Variants in ADPRHL1 observed in about 807,000 individuals in gnomAD.
ADPRHL1 encodes ADP-ribosylhydrolase like 1.
ADPRHL1 carries 43 observed loss-of-function variants against 44.1 expected under a neutral mutation model. The ratio of observed to expected loss-of-function variants is 0.98; its 90% confidence interval spans 0.76 to 1.26. The LOEUF (loss-of-function observed/expected upper bound fraction) is 1.26, where lower values mean the gene tolerates loss of function less well. Ranked by LOEUF, ADPRHL1 falls within the 50% of genes most tolerant of loss-of-function variation. The pLI is 0.00. For synonymous variants in ADPRHL1, 878 were observed against 1,017.4 expected (o/e 0.86, Z 2.61); for missense variants, 2,022 against 2,496.9 (o/e 0.81, Z 4.05).
In ADPRHL1 at chr13:113,412,605, C is replaced by T. The variant is rs1253131131; in HGVS notation, c.1062-4385G>A. ...CTGTTGGTTCTGGTCTCTACTTTCC[C>T]GAGTCCAGAGCAGCGTTGGGCACAG... On this transcript the variant is annotated intron_variant, in intron 7 of 7. Coordinates refer to ENST00000612156, the MANE Select transcript of ADPRHL1 (RefSeq NM_001394807.1). 6.6e-5 allele frequency among the ~76,000 whole-genome samples: 10 copies of T among 152,368 alleles called. No homozygotes were observed. In the South Asian group the frequency reaches 8.3e-4, roughly 13 times the overall value.
intron 7 of ADPRHL1, among the ~76,000 whole-genome samples, chr13:113,410,331 A>G (rs1057266296): frequency 6.6e-6 from 1 of 152,070 alleles, no homozygotes; most frequent in African/African-American, 2.4e-5. Flanking sequence ...CGCACCACCA[A>G]CGCCTCTGAT....
rs144310009 is a variant in ADPRHL1, at chr13:113,448,120, C to T, written c.215-3531G>A. Among the ~76,000 whole-genome samples, 116 of 152,232 alleles carry T rather than the reference C, an allele frequency of 7.6e-4. 3 individuals are homozygous for T. In the East Asian group the frequency reaches 0.019, roughly 25 times the overall value. On this transcript the variant is annotated intron_variant, in intron 1 of 7. Transcript: ENST00000612156. ...AAGCTGCTACCCTTGGGCTTCTCCCCGGGTCTCTTTCCTTTGGGACACTCC... is the reference window on the plus strand; with the variant it reads ...AAGCTGCTACCCTTGGGCTTCTCCCTGGGTCTCTTTCCTTTGGGACACTCC...
At chr13:113,451,855 C>T (rs1246412603) in intron 1 of ADPRHL1, among the ~76,000 whole-genome samples, 1 of 152,168 alleles carries the variant, frequency 6.6e-6, no homozygotes, top group Admixed American at 6.5e-5. Flanking sequence ...ACCCTTTTAA[C>T]TGTGTGAATT....
rs761740750 is a variant in ADPRHL1 at position 113,447,215 on chromosome 13, G to A, written c.215-2626C>T. On this transcript the variant is annotated intron_variant, in intron 1 of 7. Transcript: ENST00000612156. Reference sequence around the variant, plus strand: ...ACGCACGGTGTTGTGTGTGCATGGCGTCTACACGCACGGTGTTGTGTGTGC... The same window carrying A: ...ACGCACGGTGTTGTGTGTGCATGGCATCTACACGCACGGTGTTGTGTGTGC... Among the ~76,000 whole-genome samples, 112 of 135,502 alleles carry A rather than the reference G, an allele frequency of 8.3e-4. 2 individuals carry two copies. Among genetic ancestry groups the A allele is most frequent in the African/African-American group, 1.9e-3 (64 of 34,360 alleles). The allele number at this position is 135,502 out of a possible 152,430, so 88.9% of individuals were successfully genotyped here.
chr13:113,448,500 G>C (rs1349562937), intron 1 of ADPRHL1, among the ~76,000 whole-genome samples: 1 of 145,170 alleles, frequency 6.9e-6, no homozygotes, highest in Non-Finnish European at 1.5e-5. Flanking sequence ...AATGGTGCCT[G>C]AGTCTCCCAA....
intron 5 of ADPRHL1, among the ~76,000 whole-genome samples, 167 bp from the exon 6 acceptor site, chr13:113,424,516 A>T (rs1335043998): frequency 6.6e-6 from 1 of 152,012 alleles, no homozygotes; most frequent in African/African-American, 2.4e-5. Context: ...GTGCAATGAT[A>T]CAATCTCAGC....
Position 113,406,228 on chromosome 13 carries a change from G to A in ADPRHL1, c.3054C>T (p.Thr1018=). The change falls in exon 8 of 8, where the codon ACC becomes ACT. Residue 1018 remains threonine (T), a synonymous_variant. Coordinates refer to ENST00000612156, the MANE Select transcript of ADPRHL1 (RefSeq NM_001394807.1). ...CTTGCTGGCTGCTGGAGGCATGGCT[G>A]GTGTTTCCCCTCAGAAGGTTTTGTG... The part of the protein sequence containing the change: ...AASQNLLRGN[T]SHASSSQQVP... The A allele has an allele frequency of 8.1e-7, 1 of 1,232,154 alleles. No homozygotes were observed. Among genetic ancestry groups the A allele is most frequent in the South Asian group, 4.1e-5 (1 of 24,324 alleles). The allele number at this position is 1,232,154 out of a possible 1,614,324, so 76.3% of individuals were successfully genotyped here. A position where few individuals can be genotyped will look rare whatever the true frequency, so the allele number is the denominator to read the frequency against.
At chr13:113,440,672 C>G (rs1400169442) in intron 2 of ADPRHL1, among the ~76,000 whole-genome samples, 1 of 152,014 alleles carries the variant, frequency 6.6e-6, no homozygotes, top group Non-Finnish European at 1.5e-5. Context: ...CCAGGCTGGT[C>G]TCGAACTCCT....
chr13:113,410,238 G>A (rs1037961921), intron 7 of ADPRHL1: 21 of 631,370 alleles, frequency 3.3e-5, no homozygotes, highest in African/African-American at 2.0e-4. Flanking sequence ...GTGAGTTCAC[G>A]TGGAGAGAGT....
intron 6 of ADPRHL1, 24 bp from the exon 7 acceptor site, chr13:113,423,003 C>CA (rs753159155): frequency 5.0e-6 from 8 of 1,612,282 alleles, no homozygotes; most frequent in Non-Finnish European, 6.8e-6. Flanking sequence ...GCAGCAGTTG[C>CA]AGTGGGCTCC....
At chr13:113,408,939 G>C (rs1453515908) in intron 7 of ADPRHL1, among the ~76,000 whole-genome samples, 2 of 151,344 alleles carry the variant, frequency 1.3e-5, no homozygotes, top group African/African-American at 4.9e-5. Context: ...TTGCAGAGAG[G>C]AGGGGAGGTT....
rs1255193906 is a variant in ADPRHL1 at position 113,407,331 on chromosome 13, C to G, written c.1951G>C (p.Gly651Arg). The change falls in exon 8 of 8, where the codon GGA becomes CGA. Residue 651 changes from glycine to arginine, a missense_variant. Transcript: ENST00000612156. ...GCACTAGGGGGCACGCTGGCTTCTCCTCTGGGTGGACGCCTTGCCTCCGAG... is the reference window on the plus strand; with the variant it reads ...GCACTAGGGGGCACGCTGGCTTCTCGTCTGGGTGGACGCCTTGCCTCCGAG... ...SHSEARRPPR[G>R]EASVPPSARE... 3.2e-6 allele frequency: 4 copies of G among 1,231,936 alleles called. No homozygotes were observed. The highest frequency in any genetic ancestry group is 4.0e-6 in the Non-Finnish European group (4 of 988,060). The allele number at this position is 1,231,936 out of a possible 1,614,324, so 76.3% of individuals were successfully genotyped here.
At chr13:113,446,184 G>A (rs2044136458) in intron 1 of ADPRHL1, among the ~76,000 whole-genome samples, 1 of 124,578 alleles carries the variant, frequency 8.0e-6, no homozygotes, top group Non-Finnish European at 1.6e-5. Flanking sequence ...ACCCTCCAGA[G>A]AAAACAAGCA....
intron 7 of ADPRHL1, among the ~76,000 whole-genome samples, chr13:113,420,989 C>T (rs1272917602): frequency 4.0e-5 from 5 of 123,730 alleles, no homozygotes; most frequent in Middle Eastern, 5.6e-3. Context: ...CCCCCAGGAC[C>T]GCCAACCCCT....
intron 1 of ADPRHL1, among the ~76,000 whole-genome samples, chr13:113,450,966 C>A: frequency 6.8e-6 from 1 of 147,102 alleles, no homozygotes; most frequent in Non-Finnish European, 1.5e-5. Flanking sequence ...CCCCCCCCTT[C>A]CTGGTCTGCT....
chr13:113,404,521 C>G lies in ADPRHL1; in HGVS notation c.4761G>C (p.Trp1587Cys). The stretch of plus-strand genomic sequence containing the variant: ...CCTGTCCCTGAATCTGCCCCTGAGC[C>G]CATTTCTGGGCCTGTCCCTGAACCT... ...QGQVQGQAQK[W>C]AQGQIQGQAQ... The change falls in exon 8 of 8, where the codon TGG (tryptophan) becomes TGC (cysteine). Residue 1587 changes from tryptophan (W) to cysteine (C), a missense_variant. By Grantham distance (215) the Trp-to-Cys change is radical. Coordinates refer to ENST00000612156, the MANE Select transcript of ADPRHL1 (RefSeq NM_001394807.1). 1 of 1,312,378 alleles carries G rather than the reference C, an allele frequency of 7.6e-7. No homozygotes were observed. The highest frequency in any genetic ancestry group is 2.4e-5 in the South Asian group (1 of 41,472). 81.3% of individuals were successfully genotyped at this position (1,312,378 alleles called of 1,614,324 possible). A position where few individuals can be genotyped will look rare whatever the true frequency, so the allele number is the denominator to read the frequency against.
intron 1 of ADPRHL1, among the ~76,000 whole-genome samples, chr13:113,448,328 T>C (rs1184898541): frequency 1.3e-5 from 2 of 151,668 alleles, no homozygotes; most frequent in Non-Finnish European, 2.9e-5. Flanking sequence ...CCCCCGTCTC[T>C]ACTAAAAATA....
intron 4 of ADPRHL1, 33 bp from the exon 5 acceptor site, chr13:113,425,212 A>G (rs2043959540): frequency 8.0e-7 from 1 of 1,256,806 alleles, no homozygotes; most frequent in Non-Finnish European, 1.0e-6. Context: ...GCTGAACACA[A>G]TGGCATCCAT....
At position 113,433,846 on chromosome 13, in the gene ADPRHL1, G is replaced by A; in HGVS notation, c.401C>T (p.Thr134Ile). The change falls in exon 3 of 8, where the codon ACC (threonine) becomes ATC (isoleucine). Residue 134 changes from threonine to isoleucine, a missense_variant. Physicochemically the swap from Thr to Ile is moderately conservative, Grantham distance 89. Coordinates refer to ENST00000612156, the MANE Select transcript of ADPRHL1 (RefSeq NM_001394807.1). ...CCGCAGGCCGATGCACATGGCCTTG[G>A]TGGCCGCTCCAAACCCTGAGCCTGT... The part of the protein sequence containing the change: ...NEKGSGFGAA[T>I]KAMCIGLRYW... 6.4e-7 allele frequency: 1 copy of A among 1,564,746 alleles called. No individual in the cohort carries two copies. The highest frequency in any genetic ancestry group is 1.2e-5 in the South Asian group (1 of 85,186).
Sources: allele counts gnomAD v4.1 joint callset (sites outside exome capture counted in the v4.1 genomes callset), GRCh38; gene constraint gnomAD v4.1.1; transcripts MANE v1.5; gene names NCBI Gene and HGNC (gene_info 2026-07-23, HGNC 2026-07-21).